The following PGAP6 variants were observed in gnomAD, a reference collection of about 807,000 sequenced individuals.
PGAP6 encodes post-GPI attachment to proteins 6, also known as post-GPI attachment to proteins factor 6.
PGAP6 carries 62 observed loss-of-function variants against 68.4 expected under a neutral mutation model. The ratio of observed to expected loss-of-function variants is 0.91; its 90% CI spans 0.74 to 1.12. The LOEUF is 1.12. Ranked by LOEUF, PGAP6 falls within the 50% of genes most tolerant of loss-of-function variation. The pLI, the probability that PGAP6 is intolerant of heterozygous loss-of-function variation, is 0.00. For missense variants in PGAP6, 1,188 were observed against 1,068.5 expected (o/e 1.11, Z -1.56); for synonymous variants, 575 against 474.0 (o/e 1.21, Z -2.77).
chr16:371,953 G>GGT lies in PGAP6; in HGVS notation c.*32_*33dup. On this transcript the variant is annotated 3_prime_UTR_variant, in exon 13 of 13. Coordinates refer to ENST00000431232, the MANE Select transcript of PGAP6 (RefSeq NM_021259.3). ...CCTCGATACAGCTCCTGGCTGAAGA[G>GGT]GTCATCAGAGCAGCAGCTGTCCCCA... 6 of 1,592,674 alleles carry GGT rather than the reference G, an allele frequency of 3.8e-6. No homozygotes were observed. Among genetic ancestry groups the GGT allele is most frequent in the Non-Finnish European group, 5.1e-6 (6 of 1,167,732 alleles).
Position 377,315 on chromosome 16 carries a change from C to CCCTG in PGAP6, c.507+62_507+63insCAGG, listed in dbSNP as rs1280783990. On this transcript the variant is annotated intron_variant, in intron 3 of 12. Transcript: ENST00000431232. ...GCGAGGACCACCCCAAAGAGGTGAACGGCAGGGACAGGCCATCGCCGCAAG... is the reference window on the plus strand; with the variant it reads ...GCGAGGACCACCCCAAAGAGGTGAACCCTGGGCAGGGACAGGCCATCGCCGCAAG... 13 of 1,549,492 alleles carry CCCTG rather than the reference C, an allele frequency of 8.4e-6. No homozygotes were observed. In the African/African-American group the frequency reaches 1.8e-4, roughly 21 times the overall value.
chr16:379,458 G>A (rs1295645020), intron 1 of PGAP6, among the ~76,000 whole-genome samples: 3 of 152,250 alleles, frequency 2.0e-5, no homozygotes, highest in African/African-American at 7.2e-5. Flanking sequence ...TGGCCACCAG[G>A]TCCCACCCAC....
chr16:372,829 T>C (rs1274416346), intron 11 of PGAP6, 102 bp from the exon 12 acceptor site: 1 of 796,258 alleles, frequency 1.3e-6, no homozygotes, highest in Non-Finnish European at 2.0e-6. Context: ...GCCTGCCCCC[T>C]CGGAGCTGCT....
Position 372,274 on chromosome 16 carries a change from A to G in PGAP6, c.2029T>C (p.Cys677Arg). ...VIMASMWAYR[C>R]GHRRQCYPTS... ...GGGTAGCACTGGCGCCGGTGCCCGC[A>G]GCGGTAAGCCTGGAGAAAACAGCCA... Residue 677 changes from cysteine (C) to arginine (R), a missense_variant, in exon 13 of 13, where the codon TGC becomes CGC. Cys to Arg is a radical substitution (Grantham distance 180). Coordinates refer to ENST00000431232, the MANE Select transcript of PGAP6 (RefSeq NM_021259.3). 6.2e-7 allele frequency: 1 copy of G among 1,609,008 alleles called. No individual in the cohort carries two copies. Among genetic ancestry groups the G allele is most frequent in the Non-Finnish European group, 8.5e-7 (1 of 1,179,608 alleles).
chr16:372,875 G>A, intron 11 of PGAP6, 148 bp from the exon 12 acceptor site: 1 of 612,670 alleles, frequency 1.6e-6, no homozygotes. Flanking sequence ...CCTCTGACTA[G>A]CTCTGCCAGC....
In PGAP6 at chr16:371,990, C is replaced by G. The variant is rs542640252; in HGVS notation, c.2313G>C (p.Thr771=). 1.2e-6 allele frequency: 2 copies of G among 1,610,706 alleles called. No homozygotes were observed. Among genetic ancestry groups the G allele is most frequent in the Non-Finnish European group, 1.7e-6 (2 of 1,178,572 alleles). Residue 771 remains threonine, a synonymous_variant, in exon 13 of 13, where the codon ACG becomes ACC. Coordinates refer to ENST00000431232, the MANE Select transcript of PGAP6 (RefSeq NM_021259.3). Reference sequence around the variant, plus strand: ...AGCAGCTGTCCCCAGGCCAGTGTCACGTCACTGCGTACAGTTCCTCCCGAT... The same window carrying G: ...AGCAGCTGTCCCCAGGCCAGTGTCAGGTCACTGCGTACAGTTCCTCCCGAT... The part of the protein sequence containing the change: ...KNDREELYAV[T]
chr16:375,404 G>A lies in PGAP6; in HGVS notation c.1256C>T (p.Ala419Val), dbSNP rs1365342722. Reference sequence around the variant, plus strand: ...GAAGGGCGAGGCAGCATTCACGCAGGCCACTACGACGGTCTCGTTCCGCAT... The same window carrying A: ...GAAGGGCGAGGCAGCATTCACGCAGACCACTACGACGGTCTCGTTCCGCAT... ...TEMRNETVVVACVNAASPFLG... is the reference protein window; with the variant it reads ...TEMRNETVVVVCVNAASPFLG... The change falls in exon 7 of 13, where the codon GCC becomes GTC. Residue 419 changes from alanine to valine, a missense_variant. Transcript: ENST00000431232. 3 of 1,612,850 alleles carry A rather than the reference G, an allele frequency of 1.9e-6. No homozygotes were observed. Among genetic ancestry groups the A allele is most frequent in the Non-Finnish European group, 2.5e-6 (3 of 1,179,980 alleles).
chr16:386,954 C>T (rs1397022873), upstream of PGAP6: 1 of 572,422 alleles, frequency 1.7e-6, no homozygotes, highest in East Asian at 4.3e-5. Context: ...CTTGGAAGAG[C>T]ACCCCCAGGA....
chr16:385,603 G>C (rs142828882), upstream of PGAP6, among the ~76,000 whole-genome samples: 1 of 140,274 alleles, frequency 7.1e-6, no homozygotes, highest in Non-Finnish European at 1.5e-5. Flanking sequence ...GAGCCACAGC[G>C]CCCGGCCTAC....
rs1036055758 is a variant in PGAP6, at chr16:371,818, G to A, written c.*169C>T. 7.7e-6 allele frequency: 5 copies of A among 649,504 alleles called. No individual in the cohort carries two copies. In the African/African-American group the frequency reaches 9.1e-5, roughly 12 times the overall value. 40.2% of individuals were successfully genotyped at this position (649,504 alleles called of 1,614,324 possible). A position where few individuals can be genotyped will look rare whatever the true frequency, so the allele number is the denominator to read the frequency against. ...GAGCAGGCAGCTGGCGAGGAGAGGT[G>A]CGTGTGAGGGAGGGGTGGCCCTCTC... On this transcript the variant is annotated 3_prime_UTR_variant, in exon 13 of 13. Coordinates refer to ENST00000431232, the MANE Select transcript of PGAP6 (RefSeq NM_021259.3).
At chr16:373,917 C>G (rs534241848) in intron 11 of PGAP6, 88 bp downstream of exon 11, 1 of 1,444,836 alleles carries the variant, frequency 6.9e-7, no homozygotes, top group Non-Finnish European at 9.2e-7. Flanking sequence ...ACGCCAGGTC[C>G]GGCCTCTCCC....
chr16:378,770 G>C (rs73492350), intron 1 of PGAP6, among the ~76,000 whole-genome samples: 11,328 of 152,322 alleles, frequency 0.074, 462 homozygotes, highest in Non-Finnish European at 0.1. Flanking sequence ...CCCAGAGGGA[G>C]ATACTGCATG....
At position 376,801 on chromosome 16, in the gene PGAP6, G is replaced by T; in HGVS notation, c.647C>A (p.Pro216His). The T allele has an allele frequency of 6.2e-7, 1 of 1,606,854 alleles. No homozygotes were observed. Among genetic ancestry groups the T allele is most frequent in the Non-Finnish European group, 8.5e-7 (1 of 1,179,874 alleles). ...SHPSYLKVFV[P>H]DYTRELLLEL... The stretch of plus-strand genomic sequence containing the variant: ...CAGCAGAAGCTCCCGCGTGTAATCG[G>T]GGACAAAGACCCTGCAGCGAGGGGA... The change falls in exon 5 of 13, where the codon CCC becomes CAC. Residue 216 changes from proline (P) to histidine (H), a missense_variant. By Grantham distance (77) the Pro-to-His change is moderately conservative (BLOSUM62 -2). Transcript: ENST00000431232.
At chr16:381,495 G>C (rs2054437630) in intron 1 of PGAP6, among the ~76,000 whole-genome samples, 1 of 152,148 alleles carries the variant, frequency 6.6e-6, no homozygotes. Context: ...TCGGGGGACC[G>C]AGGAGGAAGC....
intron 3 of PGAP6, 104 bp from the exon 4 acceptor site, chr16:377,268 A>G: frequency 6.3e-7 from 1 of 1,589,030 alleles, no homozygotes; most frequent in Non-Finnish European, 8.6e-7. Flanking sequence ...GGCTGGCCCC[A>G]GAGTGCAGCG....
intron 7 of PGAP6, 23 bp from the exon 8 acceptor site, chr16:375,279 C>G (rs2054371760): frequency 6.2e-7 from 1 of 1,612,636 alleles, no homozygotes; most frequent in Non-Finnish European, 8.5e-7. Flanking sequence ...CAGAGGGCCC[C>G]ATCAGAGGAG....
rs1314908234 is a variant in PGAP6 at position 375,119 on chromosome 16, C to A, written c.1439+14G>T. 2.5e-6 allele frequency: 4 copies of A among 1,612,612 alleles called. No individual in the cohort carries two copies. Among genetic ancestry groups the A allele is most frequent in the Non-Finnish European group, 2.5e-6 (3 of 1,179,656 alleles). On this transcript the variant is annotated intron_variant, in intron 8 of 12. Transcript: ENST00000431232. ...AGGGTGCCTGGCCCCCGTCTCTGCC[C>A]TAGGTTTACTTACTCAGCATTCTCA...
Position 372,128 on chromosome 16 carries a change from C to G in PGAP6, c.2175G>C (p.Trp725Cys). The change falls in exon 13 of 13, where the codon TGG becomes TGC. Residue 725 changes from tryptophan to cysteine, a missense_variant. Transcript: ENST00000431232. ...CTGCGCTCCCGGCCAGCAGGATGTG[C>G]CAGATGCTGTGGGTGTAGTAGTAGT... ...SDNYYYTHSI[W>C]HILLAGSAAL... The G allele has an allele frequency of 1.2e-6, 2 of 1,612,828 alleles. No homozygotes were observed. Among genetic ancestry groups the G allele is most frequent in the Non-Finnish European group, 1.7e-6 (2 of 1,179,944 alleles).
Position 371,998 on chromosome 16 carries a change from C to A in PGAP6, c.2305G>T (p.Ala769Ser), listed in dbSNP as rs1422343834. ...TCCCCAGGCCAGTGTCACGTCACTG[C>A]GTACAGTTCCTCCCGATCGTTCTTG... ...ICKNDREELY[A>S]VT The change falls in exon 13 of 13, where the codon GCA becomes TCA. Residue 769 changes from alanine (A) to serine (S), a missense_variant. By Grantham distance (99) the Ala-to-Ser change is moderately conservative (BLOSUM62 1). Coordinates refer to ENST00000431232, the MANE Select transcript of PGAP6 (RefSeq NM_021259.3). 2 of 1,611,686 alleles carry A rather than the reference C, an allele frequency of 1.2e-6. No individual in the cohort carries two copies. Among genetic ancestry groups the A allele is most frequent in the African/African-American group, 2.7e-5 (2 of 74,908 alleles).
Sources: allele counts gnomAD v4.1 joint callset (sites outside exome capture counted in the v4.1 genomes callset), GRCh38; gene constraint gnomAD v4.1.1; transcripts MANE v1.5; gene names NCBI Gene and HGNC (gene_info 2026-07-23, HGNC 2026-07-21).